TMEM117: variants seen among roughly 807,000 people sequenced by gnomAD.
TMEM117 encodes the protein transmembrane protein 117.
A neutral mutation model predicts 52.4 loss-of-function variants in TMEM117; 27 were observed. The observed-to-expected ratio is 0.51, with a 90% CI of 0.38 to 0.71. The LOEUF (loss-of-function observed/expected upper bound fraction) is 0.71. Ranked by LOEUF, TMEM117 falls within the 30% of genes least tolerant of loss-of-function variation. TMEM117 has a pLI of 0.00. For missense variants in TMEM117, 556 were observed against 630.5 expected, an observed-to-expected ratio of 0.88 and a Z score of 1.26; for synonymous variants, 215 against 206.3, an observed-to-expected ratio of 1.04 and a Z score of -0.36.
chr12:44,090,795 G>A (rs887075531), intron 3 of TMEM117, among the ~76,000 whole-genome samples: 2 of 144,782 alleles, frequency 1.4e-5, no homozygotes, highest in African/African-American at 2.7e-5. Context: ...TTCCATTCTT[G>A]TGCCTTTTTG....
intron 3 of TMEM117, among the ~76,000 whole-genome samples, chr12:43,966,854 T>A (rs1008171831): frequency 2.0e-5 from 3 of 152,164 alleles, no homozygotes; most frequent in African/African-American, 4.8e-5. Flanking sequence ...TCTGTGCCCA[T>A]GACAATAATT....
Position 44,050,160 on chromosome 12 carries a change from T to A in TMEM117, c.411-93365T>A, listed in dbSNP as rs142918458. On this transcript the variant is annotated intron_variant, in intron 3 of 7. Coordinates refer to ENST00000266534, the MANE Select transcript of TMEM117 (RefSeq NM_032256.3). ...CAGACTACAGTCTTTGTTTGCTAGA[T>A]TGGATGTTCAGAATAGCAGAGCTTC... Among the ~76,000 whole-genome samples the A allele has an allele frequency of 2.7e-4, 41 of 152,266 alleles. 1 individual carries two copies. Among genetic ancestry groups the A allele is most frequent in the African/African-American group, 9.4e-4 (39 of 41,568 alleles).
chr12:44,375,511 G>C (rs1592727583), intron 6 of TMEM117, among the ~76,000 whole-genome samples: 1 of 152,094 alleles, frequency 6.6e-6, no homozygotes, highest in Non-Finnish European at 1.5e-5. Context: ...TCCCAACAGA[G>C]AGGACAGTGG....
chr12:44,306,361 T>C (rs1479162087), intron 6 of TMEM117, among the ~76,000 whole-genome samples: 2 of 152,180 alleles, frequency 1.3e-5, no homozygotes, highest in African/African-American at 4.8e-5. Flanking sequence ...TATTTCTATA[T>C]CAATAAATAC....
At chr12:44,268,304 AT>A (rs1037561282) in intron 5 of TMEM117, among the ~76,000 whole-genome samples, 45 of 146,728 alleles carry the variant, frequency 3.1e-4, no homozygotes, top group South Asian at 3.0e-3. Flanking sequence ...TGCCTGGCTA[AT>A]TTTTTTTTTT....
At chr12:44,022,146 T>C (rs768600368) in intron 3 of TMEM117, among the ~76,000 whole-genome samples, 6 of 152,226 alleles carry the variant, frequency 3.9e-5, no homozygotes, top group Non-Finnish European at 8.8e-5. Flanking sequence ...CAACATTATT[T>C]AGTGAAACAC....
At chr12:44,052,632 C>T (rs1946991939) in intron 3 of TMEM117, among the ~76,000 whole-genome samples, 1 of 152,204 alleles carries the variant, frequency 6.6e-6, no homozygotes. Flanking sequence ...TGTCTCTACC[C>T]TGTCTCAAGG....
chr12:43,849,759 A>G (rs532013867), intron 2 of TMEM117, among the ~76,000 whole-genome samples: 1 of 152,232 alleles, frequency 6.6e-6, no homozygotes, highest in African/African-American at 2.4e-5. Context: ...AAGGAATCAT[A>G]ACCTTCTGTA....
intron 3 of TMEM117, among the ~76,000 whole-genome samples, chr12:43,995,009 G>A (rs1005039807): frequency 6.6e-6 from 1 of 152,128 alleles, no homozygotes; most frequent in Non-Finnish European, 1.5e-5. Flanking sequence ...GGGTGTGGTG[G>A]CTCATGCTTG....
intron 3 of TMEM117, among the ~76,000 whole-genome samples, chr12:44,015,313 A>G (rs1946357309): frequency 6.6e-6 from 1 of 152,192 alleles, no homozygotes; most frequent in Non-Finnish European, 1.5e-5. Flanking sequence ...TTATTTATCG[A>G]TTCCATGAAG....
At chr12:44,120,329 A>T (rs1948212882) in intron 3 of TMEM117, among the ~76,000 whole-genome samples, 1 of 152,190 alleles carries the variant, frequency 6.6e-6, no homozygotes, top group Non-Finnish European at 1.5e-5. Context: ...AAGCAATGTT[A>T]ATTAAAAAGG....
At chr12:44,300,403 C>T (rs1394114764) in intron 6 of TMEM117, among the ~76,000 whole-genome samples, 2 of 152,182 alleles carry the variant, frequency 1.3e-5, no homozygotes, top group Non-Finnish European at 2.9e-5. Context: ...CATTAAATAT[C>T]CATCCATTTG....
intron 5 of TMEM117, among the ~76,000 whole-genome samples, chr12:44,267,122 G>A (rs1171302475): frequency 4.0e-5 from 6 of 151,788 alleles, no homozygotes; most frequent in South Asian, 2.1e-4. Flanking sequence ...CCATCTTAAC[G>A]GTGTTAAATC....
intron 5 of TMEM117, among the ~76,000 whole-genome samples, chr12:44,292,538 G>A (rs953719253): frequency 6.6e-6 from 1 of 151,832 alleles, no homozygotes; most frequent in African/African-American, 2.4e-5. Context: ...GTTCCTTGAG[G>A]TATAAAATTT....
At chr12:44,005,504 G>A (rs1757465623) in intron 3 of TMEM117, among the ~76,000 whole-genome samples, 1 of 152,154 alleles carries the variant, frequency 6.6e-6, no homozygotes, top group Non-Finnish European at 1.5e-5. Flanking sequence ...TGCTCTGACT[G>A]GGGTCATCAC....
intron 4 of TMEM117, among the ~76,000 whole-genome samples, chr12:44,152,551 A>G (rs1163252111): frequency 8.3e-6 from 1 of 120,976 alleles, no homozygotes; most frequent in African/African-American, 3.4e-5. Flanking sequence ...AAATTTTTAT[A>G]TATAATATTT....
intron 4 of TMEM117, among the ~76,000 whole-genome samples, chr12:44,146,398 G>T (rs1427176357): frequency 6.6e-6 from 1 of 152,166 alleles, no homozygotes; most frequent in Non-Finnish European, 1.5e-5. Context: ...CGTGTTCTAG[G>T]TTGAACCTCA....
intron 4 of TMEM117, among the ~76,000 whole-genome samples, chr12:44,166,539 G>A (rs1219892763): frequency 1.3e-5 from 2 of 152,114 alleles, no homozygotes; most frequent in African/African-American, 4.8e-5. Flanking sequence ...AATTAAAAAC[G>A]TTTGAAATTT....
chr12:44,150,086 A>G (rs866691414), intron 4 of TMEM117, among the ~76,000 whole-genome samples: 1 of 152,038 alleles, frequency 6.6e-6, no homozygotes, highest in Non-Finnish European at 1.5e-5. Flanking sequence ...TTTGACCTCA[A>G]CCTACCCCTG....
Sources: allele counts gnomAD v4.1 joint callset (sites outside exome capture counted in the v4.1 genomes callset), GRCh38; gene constraint gnomAD v4.1.1; transcripts MANE v1.5; gene names NCBI Gene and HGNC (gene_info 2026-07-23, HGNC 2026-07-21).